Variants in HMBOX1 observed in about 807,000 individuals in gnomAD.
HMBOX1 encodes the protein homeobox-containing protein 1.
A neutral mutation model predicts 54.5 loss-of-function variants in HMBOX1; 14 were observed. The observed-to-expected ratio is 0.26, with a 90% CI of 0.17 to 0.40. HMBOX1 has a LOEUF of 0.40. Among genes scored for constraint, HMBOX1 ranks in the 10% least tolerant of loss-of-function variants. HMBOX1 has a pLI of 1.00. For missense variants in HMBOX1, 332 were observed against 514.4 expected (o/e 0.65, Z 3.43); for synonymous variants, 160 against 181.0 (o/e 0.88, Z 0.93).
rs1270281981 is a variant in HMBOX1, at chr8:29,051,537, C to G, written c.*382C>G. Reference sequence around the variant, plus strand: ...TTCTTGTAACACTAGTCTGTACTCCCTTTTCCTTCCCCAAGACTGATAGGA... The same window carrying G: ...TTCTTGTAACACTAGTCTGTACTCCGTTTTCCTTCCCCAAGACTGATAGGA... On this transcript the variant is annotated 3_prime_UTR_variant, in exon 10 of 10. Coordinates refer to ENST00000287701, the MANE Select transcript of HMBOX1 (RefSeq NM_001135726.3). 5.7e-6 allele frequency: 4 copies of G among 702,946 alleles called. No homozygotes were observed. Among genetic ancestry groups the G allele is most frequent in the Non-Finnish European group, 1.0e-5 (4 of 384,978 alleles). 43.5% of individuals were successfully genotyped at this position (702,946 alleles called of 1,614,324 possible). A position where few individuals can be genotyped will look rare whatever the true frequency, so the allele number is the denominator to read the frequency against.
chr8:28,978,047 A>G (rs1828728207), intron 3 of HMBOX1, among the ~76,000 whole-genome samples: 2 of 152,200 alleles, frequency 1.3e-5, no homozygotes, highest in African/African-American at 4.8e-5. Flanking sequence ...ATTTTACTGC[A>G]TTAGGCAGCT....
At chr8:29,042,007 G>T (rs1259216253) in intron 6 of HMBOX1, among the ~76,000 whole-genome samples, 3 of 152,108 alleles carry the variant, frequency 2.0e-5, no homozygotes, top group African/African-American at 7.2e-5. Flanking sequence ...GGCTTAAAAG[G>T]AACCCGTAGG....
At chr8:28,914,980 A>G (rs1816234814) in intron 1 of HMBOX1, among the ~76,000 whole-genome samples, 1 of 152,222 alleles carries the variant, frequency 6.6e-6, no homozygotes, top group South Asian at 2.1e-4. Context: ...AAAATAACAA[A>G]TTCTATGGAA....
chr8:28,984,431 G>A (rs1829882597), intron 4 of HMBOX1, among the ~76,000 whole-genome samples: 2 of 152,180 alleles, frequency 1.3e-5, no homozygotes, highest in African/African-American at 4.8e-5. Context: ...AAATACAGAG[G>A]TTTCTTTTTA....
chr8:29,027,900 A>G (rs1362558019), intron 6 of HMBOX1, among the ~76,000 whole-genome samples: 1 of 152,128 alleles, frequency 6.6e-6, no homozygotes, highest in African/African-American at 2.4e-5. Flanking sequence ...AATTAAAACT[A>G]TTGCGTGTTT....
At position 28,909,094 on chromosome 8, in the gene HMBOX1, C is replaced by CT. The variant is rs1437986484; in HGVS notation, c.-58+18417dup. Among the ~76,000 whole-genome samples the CT allele has an allele frequency of 2.8e-5, 4 of 143,160 alleles. No homozygotes were observed. In the East Asian group the frequency reaches 8.0e-4, roughly 29 times the overall value. The allele number at this position is 143,160 out of a possible 152,430, so 93.9% of individuals were successfully genotyped here. On this transcript the variant is annotated intron_variant, in intron 1 of 9. Transcript: ENST00000287701. ...TGGGTGACAGAGTGAGACCCTATCT[C>CT]TAAAAAAAAAAAAAAAAAATTACTG...
At chr8:29,035,959 A>G (rs892973519) in intron 6 of HMBOX1, among the ~76,000 whole-genome samples, 13 of 152,218 alleles carry the variant, frequency 8.5e-5, no homozygotes, top group African/African-American at 3.1e-4. Flanking sequence ...AGGAAAACCA[A>G]TTGTTACATA....
chr8:28,937,161 C>T (rs4732893), intron 1 of HMBOX1, among the ~76,000 whole-genome samples: 92,471 of 151,984 alleles, frequency 0.61, 28,685 homozygotes, highest in East Asian at 0.75. Flanking sequence ...TAAACTGGTT[C>T]TAGTGGTTTT....
In HMBOX1 at chr8:29,051,640, C is replaced by G; in HGVS notation, c.*485C>G. ...ACAGAGTCAAAGGAACACTAGAATC[C>G]CCACCTCAGCGTGAGGATAATTGAT... On this transcript the variant is annotated 3_prime_UTR_variant, in exon 10 of 10. Transcript: ENST00000287701. The G allele has an allele frequency of 1.4e-6, 1 of 702,568 alleles. No individual in the cohort carries two copies. 43.5% of individuals were successfully genotyped at this position (702,568 alleles called of 1,614,324 possible).
rs3830316 is a variant in HMBOX1, at chr8:29,051,357, T to TAACC, written c.*217_*220dup. 237,861 of 625,844 alleles carry TAACC rather than the reference T, an allele frequency of 0.38. 47,883 individuals are homozygous for TAACC. The highest frequency in any genetic ancestry group is 0.59 in the African/African-American group (31,946 of 53,972). The allele number at this position is 625,844 out of a possible 1,614,324, so 38.8% of individuals were successfully genotyped here. A position where few individuals can be genotyped will look rare whatever the true frequency, so the allele number is the denominator to read the frequency against. On this transcript the variant is annotated 3_prime_UTR_variant, in exon 10 of 10. Transcript: ENST00000287701. ...CTCAGTATTAACTCCCAGTAAATAA[T>TAACC]AACCAACCAACCAACCAAACTTCCC...
intron 1 of HMBOX1, among the ~76,000 whole-genome samples, chr8:28,937,117 A>C (rs1820544568): frequency 6.6e-6 from 1 of 152,192 alleles, no homozygotes. Flanking sequence ...ATTGCTAGTG[A>C]GGTTGGCATA....
At chr8:28,954,392 T>G (rs1467019733) in intron 1 of HMBOX1, among the ~76,000 whole-genome samples, 1 of 152,160 alleles carries the variant, frequency 6.6e-6, no homozygotes. Flanking sequence ...GTATCCCCCA[T>G]CATCTCTCCC....
intron 6 of HMBOX1, among the ~76,000 whole-genome samples, chr8:29,037,909 G>A (rs1454894659): frequency 6.6e-6 from 1 of 152,190 alleles, no homozygotes; most frequent in Non-Finnish European, 1.5e-5. Context: ...TTTACTTGGT[G>A]ATGAAGAAAT....
intron 4 of HMBOX1, among the ~76,000 whole-genome samples, chr8:28,991,770 T>C (rs1831015590): frequency 6.6e-6 from 1 of 152,228 alleles, no homozygotes; most frequent in Non-Finnish European, 1.5e-5. Context: ...TCTTCAGCTT[T>C]ATCATTAAGC....
At chr8:29,014,203 TC>T (rs1346243297) in intron 5 of HMBOX1, among the ~76,000 whole-genome samples, 107 of 152,262 alleles carry the variant, frequency 7.0e-4, no homozygotes, top group African/African-American at 2.6e-3. Flanking sequence ...GTTTTTTTTT[TC>T]CTCATGGGTT....
chr8:28,912,291 G>T (rs151155931), intron 1 of HMBOX1, among the ~76,000 whole-genome samples: 1 of 152,220 alleles, frequency 6.6e-6, no homozygotes, highest in African/African-American at 2.4e-5. Flanking sequence ...TGAATATCTG[G>T]CATTTTCAAG....
intron 6 of HMBOX1, among the ~76,000 whole-genome samples, chr8:29,039,405 T>C (rs964977855): frequency 6.6e-6 from 1 of 152,126 alleles, no homozygotes; most frequent in Admixed American, 6.5e-5. Context: ...AATAAAAATA[T>C]CTTAGGCCAA....
At chr8:29,021,371 A>G (rs1185152881) in intron 6 of HMBOX1, among the ~76,000 whole-genome samples, 1 of 152,164 alleles carries the variant, frequency 6.6e-6, no homozygotes, top group Non-Finnish European at 1.5e-5. Flanking sequence ...GAAAAGATTG[A>G]TAAATATGAT....
At chr8:29,047,804 T>C (rs1290427619) in intron 8 of HMBOX1, among the ~76,000 whole-genome samples, 1 of 152,074 alleles carries the variant, frequency 6.6e-6, no homozygotes, top group East Asian at 1.9e-4. Context: ...CGACCTCAGG[T>C]GATCCGTCCG....
Sources: gnomAD v4.1 joint callset for allele counts (sites outside exome capture counted in the v4.1 genomes callset) on GRCh38, gnomAD v4.1.1 for gene constraint, MANE v1.5 for transcripts, NCBI Gene and HGNC (gene_info 2026-07-23, HGNC 2026-07-21) for gene names.